Variants in WDR72 observed in about 807,000 individuals in gnomAD.
The protein encoded by WDR72 is WD repeat-containing protein 72.
In WDR72, 120 loss-of-function variants were observed where a neutral mutation model predicts 124.2. The observed-to-expected ratio is 0.97, with a 90% CI of 0.83 to 1.12. WDR72 has a LOEUF of 1.12. WDR72 is among the 50% of genes most tolerant of loss of function. The probability of loss-of-function intolerance (pLI) is 0.00; values close to 1 mark genes in which losing one functional copy is unlikely to be tolerated. For synonymous variants in WDR72, 452 were observed against 441.7 expected (o/e 1.02, Z -0.29); for missense variants, 1,387 against 1,278.8 (o/e 1.08, Z -1.29).
chr15:53,651,590 C>G (rs1210383327), intron 14 of WDR72, among the ~76,000 whole-genome samples: 3 of 152,176 alleles, frequency 2.0e-5, no homozygotes, highest in African/African-American at 7.2e-5. Flanking sequence ...TTAGGCCTAA[C>G]TGAGAAAATA....
At chr15:53,689,871 G>A (rs966374205) in intron 13 of WDR72, among the ~76,000 whole-genome samples, 37 of 151,882 alleles carry the variant, frequency 2.4e-4, no homozygotes, top group South Asian at 6.3e-4. Context: ...ATACACCATG[G>A]AATACTATGC....
intron 18 of WDR72, among the ~76,000 whole-genome samples, chr15:53,588,790 C>T (rs2012350576): frequency 6.7e-6 from 1 of 150,068 alleles, no homozygotes; most frequent in South Asian, 2.1e-4. Flanking sequence ...TATTGGCTGA[C>T]AGAATTGCAT....
chr15:53,524,433 A>G (rs1159982498), intron 18 of WDR72, among the ~76,000 whole-genome samples: 1 of 152,138 alleles, frequency 6.6e-6, no homozygotes, highest in Non-Finnish European at 1.5e-5. Context: ...CAGACAAGAA[A>G]GCAATGCAGA....
At chr15:53,677,864 T>C (rs376792089) in intron 13 of WDR72, among the ~76,000 whole-genome samples, 2 of 152,192 alleles carry the variant, frequency 1.3e-5, no homozygotes, top group South Asian at 2.1e-4. Flanking sequence ...CTACCACTAA[T>C]TGAGTATTTT....
chr15:53,650,278 G>A (rs79217107), intron 14 of WDR72, among the ~76,000 whole-genome samples: 1,972 of 152,190 alleles, frequency 0.013, 33 homozygotes, highest in East Asian at 0.07. Context: ...CTTGCTAGGG[G>A]CTTAAGTTAT....
upstream of WDR72, among the ~76,000 whole-genome samples, chr15:53,761,613 C>T (rs1274917365): frequency 6.6e-6 from 1 of 152,010 alleles, no homozygotes; most frequent in Non-Finnish European, 1.5e-5. Flanking sequence ...ATTGCTTGCT[C>T]CCAAGAGTTT....
intron 9 of WDR72, 72 bp from the exon 10 acceptor site, chr15:53,706,146 G>A (rs980765523): frequency 4.7e-6 from 7 of 1,482,006 alleles, no homozygotes; most frequent in Non-Finnish European, 6.5e-6. Context: ...TTTAAATGGA[G>A]AAACAAGACT....
intron 18 of WDR72, among the ~76,000 whole-genome samples, chr15:53,578,147 C>A (rs1438093626): frequency 1.3e-5 from 2 of 152,104 alleles, no homozygotes; most frequent in Non-Finnish European, 2.9e-5. Context: ...GGGTACCCAG[C>A]ACTGACCTAG....
At position 53,517,111 on chromosome 15, in the gene WDR72, C is replaced by T. The variant is rs140879069; in HGVS notation, c.*588G>A. The T allele has an allele frequency of 8.2e-3, 1,309 of 158,698 alleles. 23 individuals carry two copies. The highest frequency in any genetic ancestry group is 0.03 in the African/African-American group (1,263 of 41,560). 9.8% of individuals were successfully genotyped at this position (158,698 alleles called of 1,614,324 possible). On this transcript the variant is annotated 3_prime_UTR_variant, in exon 20 of 20. Coordinates refer to ENST00000360509, the MANE Select transcript of WDR72 (RefSeq NM_182758.4). ...TTGGTCACTGTTATACTTTGTATCT[C>T]TTATTTGGGCTAATTGATAACTAAA...
At chr15:53,558,368 C>G (rs1894004427) in intron 18 of WDR72, among the ~76,000 whole-genome samples, 2 of 152,006 alleles carry the variant, frequency 1.3e-5, no homozygotes, top group Non-Finnish European at 1.5e-5. Flanking sequence ...ATATTTACAA[C>G]TGTGGTATAA....
rs1555429495 is a variant in WDR72 at position 53,733,113 on chromosome 15, G to A, written c.37C>T (p.Gln13Ter). The A allele has an allele frequency of 6.2e-7, 1 of 1,614,036 alleles. No individual in the cohort carries two copies. The highest frequency in any genetic ancestry group is 1.3e-5 in the African/African-American group (1 of 75,014). The part of the protein sequence containing the change: ...TSLQAVALWG[Q>*]KAPPHSITAI... ...GTGATGCTGTGGGGAGGGGCCTTCT[G>A]TCCCCAGAGTGCCACTGCCTGCAGG... The change falls in exon 2 of 20, where the codon CAG (glutamine) becomes TAG (stop). Residue 13 changes from glutamine to a stop codon, truncating the protein, a stop_gained. Coordinates refer to ENST00000360509, the MANE Select transcript of WDR72 (RefSeq NM_182758.4). LOFTEE classifies it high-confidence loss of function.
rs538285701 is a variant in WDR72 at position 53,620,884 on chromosome 15, C to G, written c.1963-4641G>C. ...GATAACCCATAGAGTGGGAGAAAATCTTTACAATCTATATGTCTAACAAAG... is the reference window on the plus strand; with the variant it reads ...GATAACCCATAGAGTGGGAGAAAATGTTTACAATCTATATGTCTAACAAAG... On this transcript the variant is annotated intron_variant, in intron 14 of 19. Coordinates refer to ENST00000360509, the MANE Select transcript of WDR72 (RefSeq NM_182758.4). Among the ~76,000 whole-genome samples the G allele has an allele frequency of 4.2e-4, 64 of 151,982 alleles. 1 individual carries two copies. Among genetic ancestry groups the G allele is most frequent in the Admixed American group, 3.9e-3 (59 of 15,248 alleles).
At chr15:53,760,203 A>T (rs1013062535), upstream of WDR72, among the ~76,000 whole-genome samples, 1 of 152,034 alleles carries the variant, frequency 6.6e-6, no homozygotes, top group African/African-American at 2.4e-5. Flanking sequence ...AGTTATTTTT[A>T]ACTGCACAAT....
intron 12 of WDR72, among the ~76,000 whole-genome samples, chr15:53,701,784 C>T (rs1285779317): frequency 6.6e-6 from 1 of 151,600 alleles, no homozygotes; most frequent in African/African-American, 2.4e-5. Flanking sequence ...CCTTGAGTAT[C>T]TACTTTTTTA....
At chr15:53,710,625 A>C (rs561137754) in intron 9 of WDR72, among the ~76,000 whole-genome samples, 3 of 152,210 alleles carry the variant, frequency 2.0e-5, no homozygotes, top group Non-Finnish European at 4.4e-5. Flanking sequence ...CCTATAATAA[A>C]TACATATTGT....
chr15:53,707,181 C>T (rs573809457), intron 9 of WDR72, among the ~76,000 whole-genome samples: 35 of 152,288 alleles, frequency 2.3e-4, no homozygotes, highest in African/African-American at 8.4e-4. Flanking sequence ...TCAGAAAATA[C>T]ATGCTTTAAG....
At chr15:53,665,464 A>C in intron 14 of WDR72, 108 bp downstream of exon 14, 1 of 1,231,006 alleles carries the variant, frequency 8.1e-7, no homozygotes, top group South Asian at 1.3e-5. Context: ...GCAGTCTCTT[A>C]GTTCTTGTTT....
chr15:53,677,817 T>A (rs2016227679), intron 13 of WDR72, among the ~76,000 whole-genome samples: 2 of 152,212 alleles, frequency 1.3e-5, no homozygotes, highest in Non-Finnish European at 2.9e-5. Context: ...CTCATCCTCT[T>A]CTTTATCATC....
At chr15:53,537,762 A>C (rs1659576091) in intron 18 of WDR72, among the ~76,000 whole-genome samples, 2 of 152,198 alleles carry the variant, frequency 1.3e-5, no homozygotes, top group Non-Finnish European at 2.9e-5. Context: ...CCTTAAGGTC[A>C]AGACATTTTA....
Sources: allele counts gnomAD v4.1 joint callset (sites outside exome capture counted in the v4.1 genomes callset), GRCh38; gene constraint gnomAD v4.1.1; transcripts MANE v1.5; gene names NCBI Gene and HGNC (gene_info 2026-07-23, HGNC 2026-07-21).